The following MYO5B variants were observed in gnomAD, a reference collection of about 807,000 sequenced individuals.
MYO5B encodes myosin VB.
Under a neutral mutation model 229.3 loss-of-function variants are expected in MYO5B, and 143 were observed. The ratio of observed to expected loss-of-function variants is 0.62; its 90% CI spans 0.54 to 0.72. The LOEUF (loss-of-function observed/expected upper bound fraction) is 0.72. MYO5B is among the 30% of genes least tolerant of loss of function. The pLI, the probability that MYO5B is intolerant of heterozygous loss-of-function variation, is 0.00. For synonymous variants in MYO5B, 918 were observed against 885.2 expected (o/e 1.04, Z -0.66); for missense variants, 2,321 against 2,331.0 (o/e 1.00, Z 0.09).
intron 22 of MYO5B, 70 bp downstream of exon 22, chr18:49,894,871 T>C: frequency 1.5e-6 from 2 of 1,340,180 alleles, no homozygotes; most frequent in Middle Eastern, 3.8e-4. Context: ...GCAGCAGTGC[T>C]CTCTGAGAGG....
chr18:49,992,765 G>T (rs1446030432), intron 5 of MYO5B, among the ~76,000 whole-genome samples: 1 of 152,086 alleles, frequency 6.6e-6, no homozygotes, highest in African/African-American at 2.4e-5. Context: ...ACCAGCTATA[G>T]CAGTTATCTT....
At chr18:50,038,949 C>CA (rs2029919275) in intron 3 of MYO5B, among the ~76,000 whole-genome samples, 1 of 152,192 alleles carries the variant, frequency 6.6e-6, no homozygotes, top group African/African-American at 2.4e-5. Flanking sequence ...TCACAGCTCT[C>CA]AAGCACTGGA....
At chr18:49,879,980 T>G (rs571636165) in intron 23 of MYO5B, among the ~76,000 whole-genome samples, 1 of 152,328 alleles carries the variant, frequency 6.6e-6, no homozygotes, top group South Asian at 2.1e-4. Context: ...TCATGCACCC[T>G]CCTAAGCACT....
At chr18:50,072,357 G>C (rs1235499244) in intron 1 of MYO5B, among the ~76,000 whole-genome samples, 1 of 152,220 alleles carries the variant, frequency 6.6e-6, no homozygotes, top group African/African-American at 2.4e-5. Context: ...TGGAGCAGCT[G>C]GTGAAAAAGC....
chr18:49,862,108 C>T (rs1242219278), intron 29 of MYO5B, among the ~76,000 whole-genome samples: 1 of 151,092 alleles, frequency 6.6e-6, no homozygotes, highest in Non-Finnish European at 1.5e-5. Context: ...AGCAATTCTC[C>T]TGCCTCAGCC....
intron 7 of MYO5B, 133 bp from the exon 8 acceptor site, chr18:49,984,958 T>C: frequency 1.4e-6 from 1 of 714,060 alleles, no homozygotes; most frequent in Non-Finnish European, 2.6e-6. Flanking sequence ...TGTGAAACTC[T>C]TTAAAATAGT....
chr18:49,901,404 C>T (rs933258735), intron 21 of MYO5B, among the ~76,000 whole-genome samples: 18 of 152,174 alleles, frequency 1.2e-4, no homozygotes, highest in Admixed American at 4.6e-4. Context: ...CTACGTTGTA[C>T]GGTACCCAAC....
chr18:50,055,225 G>GGGCCCCCCCCCCCCCCCCCCCCCCC, intron 2 of MYO5B, 43 bp downstream of exon 2: 1 of 700,374 alleles, frequency 1.4e-6, no homozygotes, highest in Non-Finnish European at 2.7e-6. Flanking sequence ...TGAGCTCCCT[G>GGGCCCCCCCCCCCCCCCCCCCCCCC]CCCCACCTCA....
At chr18:50,119,494 A>G (rs1267677048) in intron 1 of MYO5B, among the ~76,000 whole-genome samples, 4 of 152,164 alleles carry the variant, frequency 2.6e-5, no homozygotes, top group African/African-American at 7.2e-5. Context: ...TTTCTGTTCA[A>G]TGATCTATCC....
At chr18:50,049,764 C>G (rs867971748) in intron 2 of MYO5B, among the ~76,000 whole-genome samples, 21 of 152,268 alleles carry the variant, frequency 1.4e-4, no homozygotes, top group Middle Eastern at 3.4e-3. Flanking sequence ...AGTTGCTGCC[C>G]CACTCATCTC....
chr18:50,050,741 G>C (rs2030369597), intron 2 of MYO5B, among the ~76,000 whole-genome samples: 1 of 152,182 alleles, frequency 6.6e-6, no homozygotes, highest in Non-Finnish European at 1.5e-5. Flanking sequence ...TGAGGTTCAT[G>C]GGTTGTAACA....
chr18:50,077,925 T>C (rs1418521332), intron 1 of MYO5B, among the ~76,000 whole-genome samples: 1 of 152,172 alleles, frequency 6.6e-6, no homozygotes, highest in Non-Finnish European at 1.5e-5. Flanking sequence ...AACTGGAAAT[T>C]CCACACAAGA....
At position 50,095,974 on chromosome 18, in the gene MYO5B, A is replaced by G. The variant is rs1288466106; in HGVS notation, c.28-40596T>C. Among the ~76,000 whole-genome samples the G allele has an allele frequency of 3.3e-5, 5 of 152,164 alleles. 1 individual carries two copies. Among genetic ancestry groups the G allele is most frequent in the East Asian group, 1.9e-4 (1 of 5,196 alleles). On this transcript the variant is annotated intron_variant, in intron 1 of 39. Coordinates refer to ENST00000285039, the MANE Select transcript of MYO5B (RefSeq NM_001080467.3). ...CCAAGTTTGGTGAGCAGGTAGGTCAATATCACCCACCTCCCAATCCCAATT... is the reference window on the plus strand; with the variant it reads ...CCAAGTTTGGTGAGCAGGTAGGTCAGTATCACCCACCTCCCAATCCCAATT...
intron 1 of MYO5B, among the ~76,000 whole-genome samples, chr18:50,112,895 T>G (rs956808418): frequency 2.0e-5 from 3 of 152,222 alleles, no homozygotes; most frequent in Non-Finnish European, 4.4e-5. Context: ...TTTATTTCAA[T>G]AAGACATTTG....
At chr18:49,988,024 A>G (rs2025890241) in intron 7 of MYO5B, among the ~76,000 whole-genome samples, 1 of 152,230 alleles carries the variant, frequency 6.6e-6, no homozygotes, top group Admixed American at 6.5e-5. Flanking sequence ...TTTAAATGCA[A>G]TGGCCCAACA....
chr18:50,130,226 T>A (rs2032232816), intron 1 of MYO5B, among the ~76,000 whole-genome samples: 1 of 152,186 alleles, frequency 6.6e-6, no homozygotes, highest in South Asian at 2.1e-4. Flanking sequence ...ATCAGCCATA[T>A]TTTTTTAAGC....
At chr18:50,134,774 C>G (rs930666680) in intron 1 of MYO5B, among the ~76,000 whole-genome samples, 1 of 152,066 alleles carries the variant, frequency 6.6e-6, no homozygotes, top group South Asian at 2.1e-4. Context: ...TTCATATATT[C>G]TCTTCATGGA....
chr18:49,895,874 C>A (rs2024773323), intron 21 of MYO5B, among the ~76,000 whole-genome samples: 1 of 152,210 alleles, frequency 6.6e-6, no homozygotes, highest in African/African-American at 2.4e-5. Flanking sequence ...TTGCTGGTAT[C>A]AAGTGCTACT....
intron 22 of MYO5B, among the ~76,000 whole-genome samples, chr18:49,888,986 T>G (rs1787612): frequency 6.6e-6 from 1 of 151,962 alleles, no homozygotes; most frequent in Non-Finnish European, 1.5e-5. Context: ...GTCCTCAACG[T>G]GGACCTAGGG....
Sources: allele counts gnomAD v4.1 joint callset (sites outside exome capture counted in the v4.1 genomes callset), GRCh38; gene constraint gnomAD v4.1.1; transcripts MANE v1.5; gene names NCBI Gene and HGNC (gene_info 2026-07-23, HGNC 2026-07-21).